ZNF112: variants seen among roughly 807,000 people sequenced by gnomAD.
ZNF112 encodes zinc finger protein 112 (Y14).
ZNF112 carries 37 observed loss-of-function variants against 77.7 expected under a neutral mutation model. The ratio of observed to expected loss-of-function variants is 0.48; its 90% CI spans 0.37 to 0.63. The LOEUF (loss-of-function observed/expected upper bound fraction) is 0.63. Among genes scored for constraint, ZNF112 ranks in the 20% least tolerant of loss-of-function variants. The probability of loss-of-function intolerance (pLI) is 0.00; values close to 1 mark genes in which losing one functional copy is unlikely to be tolerated. For synonymous variants in ZNF112, 333 were observed against 363.6 expected (o/e 0.92, Z 0.96); for missense variants, 950 against 1,077.4 (o/e 0.88, Z 1.66).
At chr19:44,358,710 T>C (rs570114349), upstream of ZNF112, among the ~76,000 whole-genome samples, 1 of 152,340 alleles carries the variant, frequency 6.6e-6, no homozygotes, top group South Asian at 2.1e-4. Context: ...AAATATGCTT[T>C]TGAATACAAT....
chr19:44,327,450 C>T lies in ZNF112; in HGVS notation c.2707G>A (p.Asp903Asn). The T allele has an allele frequency of 6.2e-7, 1 of 1,601,932 alleles. No homozygotes were observed. The highest frequency in any genetic ancestry group is 8.5e-7 in the Non-Finnish European group (1 of 1,173,802). Residue 903 changes from aspartate to asparagine, a missense_variant, in exon 4 of 4, where the codon GAT (aspartate) becomes AAT (asparagine). Transcript: ENST00000354340. ...TGAGGACTTCAAAACAAAACAGAAT[C>T]TTCATTTCTGTGTAGATTCTCTGAT... is the stretch of plus-strand genomic sequence containing the variant. ...PSSENLHRNEDSVLF is the reference protein window; with the variant it reads ...PSSENLHRNENSVLF
chr19:44,327,658 T>C lies in ZNF112; in HGVS notation c.2499A>G (p.Gly833=). ...GATTTGATCTCTGACTGAAGCCCTT[T>C]CCACATACCTCACATTTGTATGGTT... The part of the protein sequence containing the change: ...GEKPYKCEVC[G]KGFSQRSNLQ... The change falls in exon 4 of 4, where the codon GGA becomes GGG. Residue 833 remains glycine, a synonymous_variant. Coordinates refer to ENST00000354340, the MANE Select transcript of ZNF112 (RefSeq NM_013380.4). 6.2e-7 allele frequency: 1 copy of C among 1,613,414 alleles called. No individual in the cohort carries two copies.
chr19:44,332,269 A>C (rs978159587), intron 3 of ZNF112, among the ~76,000 whole-genome samples: 23 of 152,168 alleles, frequency 1.5e-4, no homozygotes, highest in Admixed American at 7.9e-4. Flanking sequence ...CAACTTTTAA[A>C]AAAGGAAAAA....
intron 3 of ZNF112, 122 bp downstream of exon 3, chr19:44,336,501 T>C: frequency 1.2e-6 from 1 of 822,404 alleles, no homozygotes; most frequent in Non-Finnish European, 2.0e-6. Flanking sequence ...CTTTAAGTAC[T>C]TTAAACTTAC....
chr19:44,358,698 CTAAA>C (rs1970823854), upstream of ZNF112, among the ~76,000 whole-genome samples: 2 of 152,178 alleles, frequency 1.3e-5, no homozygotes, highest in Admixed American at 6.5e-5. Flanking sequence ...TACTGAAATA[CTAAA>C]TATGCTTTTG....
At chr19:44,352,229 A>C (rs946551892) in intron 1 of ZNF112, among the ~76,000 whole-genome samples, 5 of 152,168 alleles carry the variant, frequency 3.3e-5, no homozygotes, top group African/African-American at 1.2e-4. Context: ...AATTTCTACT[A>C]TAAGTAGATA....
chr19:44,350,383 T>C (rs2123203634), intron 1 of ZNF112, among the ~76,000 whole-genome samples: 1 of 152,104 alleles, frequency 6.6e-6, no homozygotes, highest in East Asian at 1.9e-4. Flanking sequence ...GCAATGAAGT[T>C]TTATTGTGAT....
upstream of ZNF112, among the ~76,000 whole-genome samples, chr19:44,360,395 G>A (rs1436765177): frequency 7.0e-6 from 1 of 141,854 alleles, no homozygotes; most frequent in Non-Finnish European, 1.6e-5. Flanking sequence ...GAAAAAAAAA[G>A]TTTGATTAAT....
chr19:44,343,154 T>C, intron 1 of ZNF112: 1 of 1,331,654 alleles, frequency 7.5e-7, no homozygotes, highest in Admixed American at 2.2e-5. Flanking sequence ...TAAATGCCTG[T>C]TGTCATTCTT....
chr19:44,337,976 TAAA>T (rs145125077), intron 2 of ZNF112, among the ~76,000 whole-genome samples: 8,919 of 104,304 alleles, frequency 0.086, 418 homozygotes, highest in African/African-American at 0.15. Context: ...ATTCCCCAGT[TAAA>T]AAAAAAAAAA....
In ZNF112 at chr19:44,327,919, C is replaced by T; in HGVS notation, c.2238G>A (p.Glu746=). The T allele has an allele frequency of 6.2e-7, 1 of 1,613,518 alleles. No homozygotes were observed. The highest frequency in any genetic ancestry group is 1.7e-4 in the Middle Eastern group (1 of 6,054). The change falls in exon 4 of 4, where the codon GAG becomes GAA. Residue 746 remains glutamate (E), a synonymous_variant. Transcript: ENST00000354340. ...TCTGACTAAAGCCCTTCCCACACAT[C>T]TCACATTTATACGGTTTCACTCTAG... ...VHTRVKPYKC[E]MCGKGFSQSS... is the part of the protein sequence containing the mutation.
intron 1 of ZNF112, among the ~76,000 whole-genome samples, chr19:44,363,644 T>C (rs1473738657): frequency 1.3e-5 from 2 of 152,258 alleles, no homozygotes; most frequent in Non-Finnish European, 1.5e-5. Context: ...TGATGTTCTA[T>C]TGTATGAATA....
At position 44,328,114 on chromosome 19, in the gene ZNF112, G is replaced by A. The variant is rs1240241172; in HGVS notation, c.2043C>T (p.His681=). The A allele has an allele frequency of 1.2e-6, 2 of 1,613,956 alleles. No homozygotes were observed. The highest frequency in any genetic ancestry group is 1.7e-5 in the Admixed American group (1 of 59,962). Residue 681 remains histidine, a synonymous_variant, in exon 4 of 4, where the codon CAC becomes CAT. Coordinates refer to ENST00000354340, the MANE Select transcript of ZNF112 (RefSeq NM_013380.4). ...CACATTGGTATGGCTTCTCTCCCGT[G>A]TGGACCCTCTGATGGGCCAAAAGTG... The part of the protein sequence containing the change: ...ASTLLAHQRV[H]TGEKPYQCDE...
intron 1 of ZNF112, among the ~76,000 whole-genome samples, chr19:44,343,721 A>G (rs917533747): frequency 6.6e-6 from 1 of 152,244 alleles, no homozygotes; most frequent in Non-Finnish European, 1.5e-5. Flanking sequence ...GTCATCTGCA[A>G]AATCCAGACC....
chr19:44,356,388 T>C (rs1267911977), intron 1 of ZNF112, among the ~76,000 whole-genome samples: 2 of 151,348 alleles, frequency 1.3e-5, no homozygotes, highest in Middle Eastern at 6.4e-3. Flanking sequence ...GCTGGGGAAG[T>C]ACAGAACCCA....
intron 1 of ZNF112, among the ~76,000 whole-genome samples, chr19:44,347,485 A>ACTTTTTTTTTTTTTTTTTT (rs1555804139): frequency 2.5e-5 from 1 of 40,320 alleles, no homozygotes; most frequent in African/African-American, 7.2e-5. Context: ...TTTTGGGTTG[A>ACTTTTTTTTTTTTTTTTTT]TTTTTTTTTT....
intron 2 of ZNF112, among the ~76,000 whole-genome samples, chr19:44,337,840 T>TACACAC (rs71171235): frequency 1.9e-4 from 9 of 47,424 alleles, no homozygotes; most frequent in South Asian, 1.6e-3. Context: ...TACATACACA[T>TACACAC]ACACACACAC....
chr19:44,349,232 T>A (rs1970650275), intron 1 of ZNF112, among the ~76,000 whole-genome samples: 1 of 152,120 alleles, frequency 6.6e-6, no homozygotes, highest in Admixed American at 6.6e-5. Context: ...TTTAAACCAC[T>A]GTGACTCAGC....
At position 44,329,152 on chromosome 19, in the gene ZNF112, A is replaced by T; in HGVS notation, c.1005T>A (p.Asn335Lys). The T allele has an allele frequency of 6.2e-7, 1 of 1,613,914 alleles. No individual in the cohort carries two copies. The highest frequency in any genetic ancestry group is 8.5e-7 in the Non-Finnish European group (1 of 1,179,990). The change falls in exon 4 of 4, where the codon AAT (asparagine) becomes AAA (lysine). Residue 335 changes from asparagine to lysine, a missense_variant. Around this residue, in one of 3 missense-constraint regions of ZNF112, gnomAD observed 560 missense variants for 557.3 expected, o/e 1.00. Transcript: ENST00000354340. Reference protein sequence around the residue: ...CKCGEYGENFNHCSPLNTYEL... With the variant: ...CKCGEYGENFKHCSPLNTYEL... The stretch of plus-strand genomic sequence containing the variant: ...CATAAGTGTTAAGAGGGGAACAGTG[A>T]TTGAAGTTCTCACCATATTCACCAC...
Sources: gnomAD v4.1 joint callset for allele counts (sites outside exome capture counted in the v4.1 genomes callset) on GRCh38, gnomAD v4.1.1 for gene constraint, gnomAD v4.1.1 regional missense constraint, MANE v1.5 for transcripts, NCBI Gene and HGNC (gene_info 2026-07-23, HGNC 2026-07-21) for gene names.